Variants in EPHB4 observed in about 807,000 individuals in gnomAD.
EPHB4 encodes EPH receptor B4, also known as ephrin type-B receptor 4.
In EPHB4, 50 loss-of-function variants were observed where a neutral mutation model predicts 110.6. That is an observed-to-expected ratio of 0.45 (90% CI 0.36 to 0.57). The LOEUF (loss-of-function observed/expected upper bound fraction) is 0.57, where lower values mean the gene tolerates loss of function less well. EPHB4 is among the 20% of genes least tolerant of loss of function. The pLI, the probability that EPHB4 is intolerant of heterozygous loss-of-function variation, is 0.00. For missense variants in EPHB4, 1,128 were observed against 1,382.1 expected (o/e 0.82, Z 2.91); for synonymous variants, 592 against 578.4 (o/e 1.02, Z -0.34).
In EPHB4 at chr7:100,817,277, G is replaced by A. The variant is rs779254396; in HGVS notation, c.1503C>T (p.Ala501=). The A allele has an allele frequency of 1.2e-6, 2 of 1,603,444 alleles. No homozygotes were observed. Among genetic ancestry groups the A allele is most frequent in the Non-Finnish European group, 8.5e-7 (1 of 1,175,992 alleles). Reference sequence around the variant, plus strand: ...GCGCCCGTACCTGCACCAGGTAGCTGGCTCCCCGCTTCAGCCCCCGCAGCT... The same window carrying A: ...GCGCCCGTACCTGCACCAGGTAGCTAGCTCCCCGCTTCAGCCCCCGCAGCT... ...RAELRGLKRG[A]SYLVQVRARS... Residue 501 remains alanine, a synonymous_variant, in exon 8 of 17, where the codon GCC becomes GCT. Transcript: ENST00000358173.
At position 100,819,575 on chromosome 7, in the gene EPHB4, C is replaced by T; in HGVS notation, c.1279G>A (p.Val427Ile). 1.3e-6 allele frequency: 2 copies of T among 1,570,818 alleles called. No individual in the cohort carries two copies. The highest frequency in any genetic ancestry group is 1.7e-6 in the Non-Finnish European group (2 of 1,152,414). ...GTCTCACCCTCTCGGTCAGTGGTGACATTGACAGGCTCAAATGGGACGGGC... is the reference window on the plus strand; with the variant it reads ...GTCTCACCCTCTCGGTCAGTGGTGATATTGACAGGCTCAAATGGGACGGGC... ...TGPVPFEPVN[V>I]TTDREVPPAV... Residue 427 changes from valine to isoleucine, a missense_variant, in exon 6 of 17, where the codon GTC becomes ATC. By Grantham distance (29) the Val-to-Ile change is conservative. Around this residue, in one of 3 missense-constraint regions of EPHB4, gnomAD observed 728 missense variants for 828.6 expected, o/e 0.88. Coordinates refer to ENST00000358173, the MANE Select transcript of EPHB4 (RefSeq NM_004444.5).
At chr7:100,805,842 T>C (rs1347680810) in intron 14 of EPHB4, 148 bp from the exon 15 acceptor site, 5 of 756,628 alleles carry the variant, frequency 6.6e-6, no homozygotes, top group Non-Finnish European at 5.6e-6. Flanking sequence ...CTAGCCGGAG[T>C]TGAAGCTCTC....
In EPHB4 at chr7:100,817,254, G is replaced by A. The variant is rs146937374; in HGVS notation, c.1526C>T (p.Ala509Val). The A allele has an allele frequency of 8.1e-6, 13 of 1,606,394 alleles. No homozygotes were observed. Among genetic ancestry groups the A allele is most frequent in the Admixed American group, 3.4e-5 (2 of 59,284 alleles). ...RGASYLVQVRARSEAGYGPFG... is the reference protein window; with the variant it reads ...RGASYLVQVRVRSEAGYGPFG... ...GGGCCCGTAGCCGGCCTCAGAGCGCGCCCGTACCTGCACCAGGTAGCTGGC... is the reference window on the plus strand; with the variant it reads ...GGGCCCGTAGCCGGCCTCAGAGCGCACCCGTACCTGCACCAGGTAGCTGGC... Residue 509 changes from alanine to valine, a missense_variant, in exon 8 of 17, where the codon GCG becomes GTG. Around this residue, in one of 3 missense-constraint regions of EPHB4, gnomAD observed 728 missense variants for 828.6 expected, o/e 0.88. Coordinates refer to ENST00000358173, the MANE Select transcript of EPHB4 (RefSeq NM_004444.5).
intron 8 of EPHB4, 91 bp downstream of exon 8, chr7:100,817,101 A>AT (rs1813092181): frequency 6.6e-6 from 8 of 1,206,520 alleles, no homozygotes; most frequent in Non-Finnish European, 8.6e-6. Context: ...AAAAAAAAAA[A>AT]AAAGATGATG....
intron 12 of EPHB4, among the ~76,000 whole-genome samples, chr7:100,808,462 A>G (rs1224495724): frequency 1.3e-5 from 2 of 152,074 alleles, no homozygotes; most frequent in East Asian, 3.9e-4. Context: ...CCTGGCCTCA[A>G]GCAATCTTCC....
rs374065240 is a variant in EPHB4, at chr7:100,815,368, T to C, written c.1589-1347A>G. On this transcript the variant is annotated intron_variant, in intron 8 of 16. Transcript: ENST00000358173. ...CCACAACCAAAAAAACCCACGGATA[T>C]ATACTACAACATACATAAACCTTGA... 6.2e-4 allele frequency among the ~76,000 whole-genome samples: 95 copies of C among 152,010 alleles called. No homozygotes were observed. In the South Asian group the frequency reaches 0.018, roughly 29 times the overall value.
Position 100,806,429 on chromosome 7 carries a change from G to A in EPHB4, c.2475C>T (p.Ser825=), listed in dbSNP as rs753128639. Residue 825 remains serine (S), a synonymous_variant, in exon 14 of 17, where the codon AGC becomes AGT. Transcript: ENST00000358173. ...SFGERPYWDM[S]NQDVINAIEQ... is the part of the protein sequence containing the mutation. ...ACCACGGGACACTTACGTCCTGATT[G>A]CTCATGTCCCAGTACGGCCTCTCCC... The A allele has an allele frequency of 1.4e-5, 23 of 1,613,430 alleles. No individual in the cohort carries two copies. Among genetic ancestry groups the A allele is most frequent in the Non-Finnish European group, 1.8e-5 (21 of 1,179,740 alleles).
chr7:100,822,514 A>G lies in EPHB4; in HGVS notation c.565T>C (p.Ser189Pro), dbSNP rs1437466686. 6.2e-7 allele frequency: 1 copy of G among 1,613,512 alleles called. No homozygotes were observed. The highest frequency in any genetic ancestry group is 8.5e-7 in the Non-Finnish European group (1 of 1,179,950). ...CACTTTTTGTAGAAGAGGTGCAGGG[A>G]TAGCAGGGCCATGCAGGCACCCTGG... ...QDQGACMALL[S>P]LHLFYKKCAQ... is the part of the protein sequence containing the mutation. Residue 189 changes from serine (S) to proline (P), a missense_variant, in exon 4 of 17, where the codon TCC becomes CCC. This residue lies in a region of EPHB4 where 728 missense variants were observed against 828.6 expected (regional missense o/e 0.88). Transcript: ENST00000358173. This position sits in a 1 kb window ranked among gnomAD's most constrained non-coding sequence, Gnocchi z 4.7.
chr7:100,808,415 T>C (rs1812860214), intron 12 of EPHB4, among the ~76,000 whole-genome samples: 1 of 152,076 alleles, frequency 6.6e-6, no homozygotes, highest in Non-Finnish European at 1.5e-5. Flanking sequence ...TTGGTAGATA[T>C]GGGGTCTCAC....
intron 10 of EPHB4, 97 bp from the exon 11 acceptor site, chr7:100,813,305 G>GT (rs1562969463): frequency 1.3e-4 from 80 of 614,692 alleles, no homozygotes; most frequent in African/African-American, 3.6e-4. Context: ...CTGTCTCCGT[G>GT]GTTTTTTTTT....
At chr7:100,823,556 G>A (rs1236514095) in intron 3 of EPHB4, 88 bp downstream of exon 3, 7 of 1,527,696 alleles carry the variant, frequency 4.6e-6, no homozygotes, top group Middle Eastern at 2.0e-4. Flanking sequence ...CAGAGGCCTC[G>A]CAACTACATC....
chr7:100,821,789 G>T (rs1813241578), intron 4 of EPHB4, among the ~76,000 whole-genome samples: 1 of 151,940 alleles, frequency 6.6e-6, no homozygotes, highest in Admixed American at 6.6e-5. Context: ...TTTCCATGGG[G>T]CCCAAGTGTC....
At chr7:100,817,421 C>G in intron 7 of EPHB4, 64 bp from the exon 8 acceptor site, 2 of 1,474,308 alleles carry the variant, frequency 1.4e-6, no homozygotes. Flanking sequence ...GCTCTTCCTG[C>G]CTCCTTCCCT....
In EPHB4 at chr7:100,819,653, T is replaced by A; in HGVS notation, c.1201A>T (p.Thr401Ser). 6.2e-7 allele frequency: 1 copy of A among 1,613,464 alleles called. No individual in the cohort carries two copies. Among genetic ancestry groups the A allele is most frequent in the East Asian group, 2.2e-5 (1 of 44,840 alleles). ...VVVRGLRPDF[T>S]YTFEVTALNG... ...AATGCAGTGACCTCAAAGGTATAGG[T>A]GAAGTCAGGACGTAGCCCTCGAACC... The change falls in exon 6 of 17, where the codon ACC becomes TCC. Residue 401 changes from threonine (T) to serine (S), a missense_variant. Thr to Ser is a moderately conservative substitution (Grantham distance 58). This residue lies in a region of EPHB4 where 728 missense variants were observed against 828.6 expected (regional missense o/e 0.88). Coordinates refer to ENST00000358173, the MANE Select transcript of EPHB4 (RefSeq NM_004444.5).
intron 12 of EPHB4, among the ~76,000 whole-genome samples, chr7:100,811,085 A>G (rs1812921802): frequency 6.6e-6 from 1 of 151,104 alleles, no homozygotes; most frequent in African/African-American, 2.4e-5. Context: ...CCCTGTCTCT[A>G]CTAAAAATAC....
At chr7:100,813,372 G>C in intron 10 of EPHB4, 164 bp from the exon 11 acceptor site, 1 of 629,736 alleles carries the variant, frequency 1.6e-6, no homozygotes, top group Non-Finnish European at 2.6e-6. Flanking sequence ...CTGGAGCGCA[G>C]TGGCGCGATC....
intron 7 of EPHB4, among the ~76,000 whole-genome samples, chr7:100,817,859 GTTTTTT>G (rs33978512): frequency 8.5e-5 from 4 of 47,114 alleles, no homozygotes; most frequent in East Asian, 1.7e-3. Flanking sequence ...TATTTTTTGC[GTTTTTT>G]TTTTTTTTTT....
intron 7 of EPHB4, among the ~76,000 whole-genome samples, chr7:100,817,761 C>T (rs1813113278): frequency 6.6e-6 from 1 of 151,966 alleles, no homozygotes; most frequent in Non-Finnish European, 1.5e-5. Context: ...AACTCTTCAC[C>T]CCAGGTGTTC....
chr7:100,807,204 TG>T (rs973477009), intron 13 of EPHB4, among the ~76,000 whole-genome samples, 160 bp downstream of exon 13: 3 of 152,124 alleles, frequency 2.0e-5, no homozygotes, highest in Non-Finnish European at 4.4e-5. Context: ...CCTAGACATC[TG>T]GAAGTCGGCT....
Sources: gnomAD v4.1 joint callset for allele counts (sites outside exome capture counted in the v4.1 genomes callset) on GRCh38, gnomAD v4.1.1 for gene constraint, gnomAD v4.1.1 regional missense constraint, Gnocchi (gnomAD v3.1) non-coding constraint, MANE v1.5 for transcripts, NCBI Gene and HGNC (gene_info 2026-07-23, HGNC 2026-07-21) for gene names.